Variants in PAH observed in about 807,000 individuals in gnomAD.
The protein encoded by PAH is phenylalanine hydroxylase, also known as phenylalanine-4-hydroxylase.
In PAH, 64 loss-of-function variants were observed where a neutral mutation model predicts 62.0. The observed-to-expected ratio is 1.03, with a 90% CI of 0.84 to 1.27. The LOEUF is 1.27. PAH is among the 50% of genes most tolerant of loss of function. The pLI is 0.00. For synonymous variants in PAH, 195 were observed against 196.2 expected (o/e 0.99, Z 0.05); for missense variants, 579 against 542.8 (o/e 1.07, Z -0.66).
At chr12:102,927,551 C>A (rs1878720084) in intron 1 of PAH, among the ~76,000 whole-genome samples, 1 of 151,998 alleles carries the variant, frequency 6.6e-6, no homozygotes, top group African/African-American at 2.4e-5. Context: ...AAAATATGCA[C>A]AAGTATGTTC....
At chr12:102,944,149 C>T (rs974117996) in intron 1 of PAH, among the ~76,000 whole-genome samples, 1 of 152,152 alleles carries the variant, frequency 6.6e-6, no homozygotes, top group Non-Finnish European at 1.5e-5. Flanking sequence ...ATTGGAGATC[C>T]GTTGCACGTT....
intron 4 of PAH, among the ~76,000 whole-genome samples, chr12:102,868,090 A>ACATG (rs1876105886): frequency 3.2e-5 from 1 of 31,320 alleles, no homozygotes; most frequent in Non-Finnish European, 5.5e-5. Context: ...GTGTGTGTGT[A>ACATG]TATATATATA....
rs146450367 is a variant in PAH, at chr12:102,957,089, T to A, written c.-96+1106A>T. On this transcript the variant is annotated intron_variant, in intron 1 of 4. Transcript: ENST00000551337. This position sits in a 1 kb window ranked among gnomAD's most constrained non-coding sequence, Gnocchi z 4.1. ...CAACCATGTTTCTAAACTTCAATCGTAATTTGCTCCAATTTCTAGGGTCAC... is the reference window on the plus strand; with the variant it reads ...CAACCATGTTTCTAAACTTCAATCGAAATTTGCTCCAATTTCTAGGGTCAC... Among the ~76,000 whole-genome samples the A allele has an allele frequency of 1.3e-3, 200 of 152,262 alleles. 2 individuals carry two copies. Among genetic ancestry groups the A allele is most frequent in the Admixed American group, 3.3e-3 (50 of 15,304 alleles).
chr12:102,894,914 T>A lies in PAH; in HGVS notation c.173A>T (p.Asn58Ile). ...TTCAATGTGGGTCAGGTTTACATCA[T>A]TCTCCTAGAAGAGAGAATGGGGAGG... The part of the protein sequence containing the change: ...LAKVLRLFEE[N>I]DVNLTHIESR... The change falls in exon 3 of 13, where the codon AAT becomes ATT. Residue 58 changes from asparagine to isoleucine, a missense_variant. By Grantham distance (149) the Asn-to-Ile change is moderately radical (BLOSUM62 -3). Coordinates refer to ENST00000553106, the MANE Select transcript of PAH (RefSeq NM_000277.3). 1 of 1,612,398 alleles carries A rather than the reference T, an allele frequency of 6.2e-7. No homozygotes were observed. The highest frequency in any genetic ancestry group is 8.5e-7 in the Non-Finnish European group (1 of 1,178,982).
rs1874868886 is a variant in PAH at position 102,846,878 on chromosome 12, G to A, written c.969+17C>T. 1.2e-6 allele frequency: 2 copies of A among 1,609,416 alleles called. No individual in the cohort carries two copies. The highest frequency in any genetic ancestry group is 1.7e-5 in the Admixed American group (1 of 59,968). On this transcript the variant is annotated intron_variant, in intron 9 of 12. Transcript: ENST00000553106. ...CTATAGCACTCCACCATCCACCCAGGGAGAGAAGGGACTTACTGTGGCGAG... is the reference window on the plus strand; with the variant it reads ...CTATAGCACTCCACCATCCACCCAGAGAGAGAAGGGACTTACTGTGGCGAG...
intron 1 of PAH, among the ~76,000 whole-genome samples, chr12:102,913,553 A>G (rs1422560372): frequency 6.6e-6 from 1 of 152,202 alleles, no homozygotes; most frequent in Non-Finnish European, 1.5e-5. Flanking sequence ...TGAAAAAAGG[A>G]AAAGAATAGT....
At chr12:102,947,375 T>C (rs1425153327) in intron 1 of PAH, among the ~76,000 whole-genome samples, 1 of 152,102 alleles carries the variant, frequency 6.6e-6, no homozygotes, top group Non-Finnish European at 1.5e-5. Context: ...ATGATCTCAG[T>C]TTCAAATATG....
intron 3 of PAH, among the ~76,000 whole-genome samples, chr12:102,878,401 G>A (rs991943808): frequency 6.6e-6 from 1 of 152,106 alleles, no homozygotes. Flanking sequence ...GAAGGGGTTG[G>A]GCTTGAGTGG....
chr12:102,900,042 T>C (rs1877687583), intron 2 of PAH, among the ~76,000 whole-genome samples: 1 of 147,254 alleles, frequency 6.8e-6, no homozygotes, highest in Non-Finnish European at 1.5e-5. Flanking sequence ...CCTAGAAACA[T>C]TTATTGCTTT....
chr12:102,909,379 T>A (rs1391767579), intron 2 of PAH, among the ~76,000 whole-genome samples: 1 of 152,156 alleles, frequency 6.6e-6, no homozygotes, highest in Non-Finnish European at 1.5e-5. Context: ...TCACTGATGA[T>A]GTTAATTTTA....
At chr12:102,882,121 T>C (rs1876834891) in intron 3 of PAH, among the ~76,000 whole-genome samples, 2 of 152,208 alleles carry the variant, frequency 1.3e-5, no homozygotes, top group Non-Finnish European at 2.9e-5. Context: ...TGCCAACTCT[T>C]ACCTCTTGTC....
chr12:102,868,192 A>G lies in PAH; in HGVS notation c.442-1529T>C, dbSNP rs1344354326. 4.8e-4 allele frequency among the ~76,000 whole-genome samples: 53 copies of G among 111,320 alleles called. 6 individuals carry two copies. Among genetic ancestry groups the G allele is most frequent in the African/African-American group, 2.0e-3 (50 of 25,548 alleles). The allele number at this position is 111,320 out of a possible 152,430, so 73.0% of individuals were successfully genotyped here. On this transcript the variant is annotated intron_variant, in intron 4 of 12. Transcript: ENST00000553106. Reference sequence around the variant, plus strand: ...CATATATGTGTATATATATATATATATATATATATATATCAGGGCCTACCA... The same window carrying G: ...CATATATGTGTATATATATATATATGTATATATATATATCAGGGCCTACCA...
intron 1 of PAH, among the ~76,000 whole-genome samples, chr12:102,929,204 G>A (rs765518686): frequency 2.6e-5 from 4 of 152,084 alleles, no homozygotes; most frequent in African/African-American, 4.8e-5. Flanking sequence ...TTAATTACCC[G>A]GTCTTGGGTA....
chr12:102,889,431 A>T (rs1877179454), intron 3 of PAH, among the ~76,000 whole-genome samples: 1 of 151,820 alleles, frequency 6.6e-6, no homozygotes, highest in Admixed American at 6.6e-5. Flanking sequence ...AGATAGATAG[A>T]TAGATAGATA....
upstream of PAH, among the ~76,000 whole-genome samples, chr12:102,921,926 A>AT (rs1239816754): frequency 3.3e-5 from 5 of 151,856 alleles, no homozygotes; most frequent in African/African-American, 1.2e-4. Context: ...AAGTTATATA[A>AT]TTTTTTCCTT....
At chr12:102,926,814 T>C (rs1002075103) in intron 1 of PAH, among the ~76,000 whole-genome samples, 3 of 152,022 alleles carry the variant, frequency 2.0e-5, no homozygotes, top group Non-Finnish European at 4.4e-5. Context: ...TGTTATTTTA[T>C]GTCCATTGTA....
intron 1 of PAH, among the ~76,000 whole-genome samples, chr12:102,916,330 TG>T (rs1878382821): frequency 6.6e-6 from 1 of 152,340 alleles, no homozygotes; most frequent in Admixed American, 6.5e-5. Flanking sequence ...CTGGGCTTTA[TG>T]ACTGAATCTC....
intron 11 of PAH, among the ~76,000 whole-genome samples, chr12:102,843,170 T>C (rs1041260147): frequency 6.6e-6 from 1 of 152,218 alleles, no homozygotes; most frequent in African/African-American, 2.4e-5. Flanking sequence ...TTACCTTATG[T>C]AATATATTAC....
At position 102,855,281 on chromosome 12, in the gene PAH, C is replaced by T. The variant is rs62507336; in HGVS notation, c.561G>A (p.Trp187Ter). The change falls in exon 6 of 13, where the codon TGG becomes TGA. Residue 187 changes from tryptophan to a stop codon, truncating the protein, a stop_gained. Transcript: ENST00000553106. LOFTEE classifies it high-confidence loss of function. Reference protein sequence around the residue: ...VEYMEEEKKTWGTVFKTLKSL... With the variant: ...VEYMEEEKKT ...ACTTCAGAGTCTTGAACACTGTGCC[C>T]CATGTTTTCTTTTCTTCCTCCATGT... 2.0e-5 allele frequency: 32 copies of T among 1,613,908 alleles called. No homozygotes were observed. The highest frequency in any genetic ancestry group is 2.7e-5 in the Non-Finnish European group (32 of 1,179,942).
Sources: gnomAD v4.1 joint callset for allele counts (sites outside exome capture counted in the v4.1 genomes callset) on GRCh38, gnomAD v4.1.1 for gene constraint, Gnocchi (gnomAD v3.1) non-coding constraint, MANE v1.5 for transcripts, NCBI Gene and HGNC (gene_info 2026-07-23, HGNC 2026-07-21) for gene names.